The following EDIL3 variants were observed in gnomAD, a reference collection of about 807,000 sequenced individuals.
The protein encoded by EDIL3 is EGF-like repeat and discoidin I-like domain-containing protein 3.
Under a neutral mutation model 67.4 loss-of-function variants are expected in EDIL3, and 37 were observed. The observed-to-expected ratio is 0.55, with a 90% confidence interval of 0.42 to 0.72. EDIL3 has a LOEUF of 0.72. Ranked by LOEUF, EDIL3 falls within the 30% of genes least tolerant of loss-of-function variation. The probability of loss-of-function intolerance (pLI) is 0.00; values close to 1 mark genes in which losing one functional copy is unlikely to be tolerated. For synonymous variants in EDIL3, 195 were observed against 196.3 expected (o/e 0.99, Z 0.05); for missense variants, 527 against 586.3 (o/e 0.90, Z 1.04).
chr5:83,976,891 C>T (rs1313641872), intron 9 of EDIL3, among the ~76,000 whole-genome samples: 2 of 151,736 alleles, frequency 1.3e-5, no homozygotes, highest in Non-Finnish European at 2.9e-5. Context: ...TATTATATTA[C>T]TAAGGTTCAA....
intron 1 of EDIL3, among the ~76,000 whole-genome samples, chr5:84,302,875 T>C (rs1356457242): frequency 6.6e-6 from 1 of 152,170 alleles, no homozygotes; most frequent in African/African-American, 2.4e-5. Flanking sequence ...CTAGCAGAAA[T>C]AGTAAAAATA....
At chr5:84,045,989 G>A (rs1746217261) in intron 9 of EDIL3, among the ~76,000 whole-genome samples, 1 of 152,206 alleles carries the variant, frequency 6.6e-6, no homozygotes, top group Non-Finnish European at 1.5e-5. Flanking sequence ...AGCCAGGTGA[G>A]CTTAACTATG....
intron 4 of EDIL3, among the ~76,000 whole-genome samples, chr5:84,155,322 G>A (rs1748471614): frequency 6.6e-6 from 1 of 152,142 alleles, no homozygotes; most frequent in African/African-American, 2.4e-5. Flanking sequence ...ATATATGGTT[G>A]CTGCCAGAGA....
chr5:84,311,546 A>G (rs2112143170), intron 1 of EDIL3, among the ~76,000 whole-genome samples: 1 of 151,428 alleles, frequency 6.6e-6, no homozygotes, highest in East Asian at 1.9e-4. Context: ...TATGGGTAGT[A>G]GGGTGTCCAG....
chr5:84,207,939 A>G (rs1744020994), intron 3 of EDIL3, among the ~76,000 whole-genome samples: 1 of 152,212 alleles, frequency 6.6e-6, no homozygotes, highest in Admixed American at 6.5e-5. Context: ...AAAACCATAA[A>G]AACCCGAGAA....
In EDIL3 at chr5:84,151,264, TACAC is replaced by T. The variant is rs201338208; in HGVS notation, c.356-13914_356-13911del. On this transcript the variant is annotated intron_variant, in intron 4 of 10. Coordinates refer to ENST00000296591, the MANE Select transcript of EDIL3 (RefSeq NM_005711.5). The stretch of plus-strand genomic sequence containing the variant: ...AGAACTGCATACACACACACGCACA[TACAC>T]ACACACACACACACACACACACACA... Among the ~76,000 whole-genome samples the T allele has an allele frequency of 3.2e-3, 418 of 129,468 alleles. 2 individuals are homozygous for T. The highest frequency in any genetic ancestry group is 0.018 in the East Asian group (83 of 4,600). 84.9% of individuals were successfully genotyped at this position (129,468 alleles called of 152,430 possible). A position where few individuals can be genotyped will look rare whatever the true frequency, so the allele number is the denominator to read the frequency against.
At chr5:84,232,896 A>G (rs1744610898) in intron 2 of EDIL3, among the ~76,000 whole-genome samples, 1 of 152,180 alleles carries the variant, frequency 6.6e-6, no homozygotes, top group South Asian at 2.1e-4. Flanking sequence ...ATAAACCTCA[A>G]AGTGGGCATT....
At chr5:83,971,897 G>A (rs1292746962) in intron 9 of EDIL3, among the ~76,000 whole-genome samples, 1 of 151,998 alleles carries the variant, frequency 6.6e-6, no homozygotes, top group Non-Finnish European at 1.5e-5. Context: ...ATATAGAAAA[G>A]TTATTTATTT....
At chr5:84,130,133 C>T (rs1352757616) in intron 5 of EDIL3, among the ~76,000 whole-genome samples, 10 of 152,102 alleles carry the variant, frequency 6.6e-5, no homozygotes, top group Admixed American at 5.2e-4. Context: ...CTTATGGTCT[C>T]GGCTTTCATG....
intron 9 of EDIL3, among the ~76,000 whole-genome samples, chr5:84,053,938 A>G (rs990601458): frequency 9.2e-5 from 14 of 152,162 alleles, no homozygotes; most frequent in Non-Finnish European, 1.8e-4. Context: ...AAAAGAGGGA[A>G]TCCTCCCTAA....
intron 6 of EDIL3, among the ~76,000 whole-genome samples, chr5:84,102,637 G>GA (rs1173183226): frequency 1.3e-5 from 2 of 150,170 alleles, no homozygotes; most frequent in African/African-American, 4.9e-5. Flanking sequence ...AAAAAAAAAC[G>GA]AAAAAACCCT....
chr5:83,996,410 G>A (rs72774748), intron 9 of EDIL3, among the ~76,000 whole-genome samples: 1,756 of 152,300 alleles, frequency 0.012, 21 homozygotes, highest in Non-Finnish European at 0.017. Flanking sequence ...TGCAGCAGGA[G>A]ACATTGATGG....
intron 1 of EDIL3, among the ~76,000 whole-genome samples, chr5:84,319,606 A>G (rs1319620585): frequency 6.7e-6 from 1 of 148,928 alleles, no homozygotes; most frequent in East Asian, 2.0e-4. Flanking sequence ...TTCCTAAATG[A>G]TCTAGAACTA....
chr5:84,042,747 A>C (rs1046380013), intron 9 of EDIL3, among the ~76,000 whole-genome samples: 20 of 152,212 alleles, frequency 1.3e-4, no homozygotes, highest in African/African-American at 4.6e-4. Context: ...GGCTTGTTAA[A>C]TGAGGAAAAT....
rs576426787 is a variant in EDIL3 at position 84,093,709 on chromosome 5, G to C, written c.651+12940C>G. 2.7e-5 allele frequency among the ~76,000 whole-genome samples: 4 copies of C among 149,406 alleles called. No individual in the cohort carries two copies. In the South Asian group the frequency reaches 8.5e-4, roughly 32 times the overall value. ...GGGTCTCGCTCTGTGGCCCAGGCTG[G>C]AGTGCAGTGGCACAGTCTCAGCTCA... On this transcript the variant is annotated intron_variant, in intron 6 of 10. Coordinates refer to ENST00000296591, the MANE Select transcript of EDIL3 (RefSeq NM_005711.5).
At position 83,941,845 on chromosome 5, in the gene EDIL3, C is replaced by G. The variant is rs985539820; in HGVS notation, c.*1574G>C. 2 of 151,922 alleles carry G rather than the reference C, an allele frequency of 1.3e-5. No individual in the cohort carries two copies. The highest frequency in any genetic ancestry group is 4.8e-5 in the African/African-American group (2 of 41,408). The allele number at this position is 151,922 out of a possible 1,614,324, so 9.4% of individuals were successfully genotyped here. The stretch of plus-strand genomic sequence containing the variant: ...TAAAAATGCCAATACAATTGACTTT[C>G]TCTTTAAATTCTTCACTATGATTGA... On this transcript the variant is annotated 3_prime_UTR_variant, in exon 11 of 11. Transcript: ENST00000296591.
At chr5:84,080,064 G>A (rs1275785502) in intron 6 of EDIL3, among the ~76,000 whole-genome samples, 2 of 129,628 alleles carry the variant, frequency 1.5e-5, no homozygotes, top group East Asian at 2.5e-4. Flanking sequence ...GAGGTCAGGA[G>A]ATCGAGAACA....
At chr5:84,302,215 C>T (rs1051822457) in intron 1 of EDIL3, among the ~76,000 whole-genome samples, 4 of 151,744 alleles carry the variant, frequency 2.6e-5, no homozygotes, top group Non-Finnish European at 4.4e-5. Context: ...TGTTTTATTG[C>T]TTTTTTTTCT....
intron 4 of EDIL3, among the ~76,000 whole-genome samples, chr5:84,178,412 G>A (rs1326782572): frequency 6.6e-6 from 1 of 152,124 alleles, no homozygotes; most frequent in Non-Finnish European, 1.5e-5. Flanking sequence ...CCTTGCAAGA[G>A]TTTAAAGAGC....
Sources: allele counts gnomAD v4.1 joint callset (sites outside exome capture counted in the v4.1 genomes callset), GRCh38; gene constraint gnomAD v4.1.1; transcripts MANE v1.5; gene names NCBI Gene and HGNC (gene_info 2026-07-23, HGNC 2026-07-21).